GPI: variants seen among roughly 807,000 people sequenced by gnomAD.
The protein encoded by GPI is D-hexose-6-phosphate anomerase.
A neutral mutation model predicts 75.8 loss-of-function variants in GPI; 56 were observed. That is an observed-to-expected ratio of 0.74 (90% CI 0.60 to 0.92). The LOEUF (loss-of-function observed/expected upper bound fraction) is 0.92. GPI is among the 40% of genes least tolerant of loss of function. The pLI is 0.00. For synonymous variants in GPI, 288 were observed against 285.4 expected (o/e 1.01, Z -0.09); for missense variants, 638 against 741.0 (o/e 0.86, Z 1.61).
chr19:34,362,475 A>C (rs2074306489), upstream of GPI, among the ~76,000 whole-genome samples: 1 of 151,966 alleles, frequency 6.6e-6, no homozygotes, highest in Admixed American at 6.6e-5. Context: ...CAGAGGCCTC[A>C]CCTCCTGCCT....
intron 13 of GPI, 67 bp downstream of exon 13, chr19:34,396,497 C>T: frequency 5.0e-6 from 8 of 1,612,366 alleles, no homozygotes; most frequent in Non-Finnish European, 6.8e-6. Flanking sequence ...AGAGATATCT[C>T]ACTTAGGTCA....
chr19:34,379,062 T>C, intron 7 of GPI, 57 bp downstream of exon 7: 1 of 1,473,522 alleles, frequency 6.8e-7, no homozygotes, highest in Non-Finnish European at 9.5e-7. Flanking sequence ...AAGAGCAGGG[T>C]GGGCCCCTGA....
intron 4 of GPI, among the ~76,000 whole-genome samples, chr19:34,372,138 TCAG>T: frequency 6.6e-6 from 1 of 151,604 alleles, no homozygotes; most frequent in South Asian, 2.1e-4. Context: ...ACCATGTTGG[TCAG>T]GCTGGTCTCG....
At position 34,393,898 on chromosome 19, in the gene GPI, C is replaced by G. The variant is rs1054393560; in HGVS notation, c.910-16C>G. On this transcript the variant is annotated splice_polypyrimidine_tract_variant and intron_variant, in intron 11 of 17. Transcript: ENST00000356487. The surrounding 1 kb of genome is among the most constrained non-coding windows in gnomAD (Gnocchi z 4.4). ...GTGCAGCTGCTCAGCTCCCACTCAT[C>G]CTGCTCCTGTTTCAGGACCAGCACT... 7.4e-6 allele frequency: 12 copies of G among 1,613,170 alleles called. No homozygotes were observed. Among genetic ancestry groups the G allele is most frequent in the Admixed American group, 5.0e-5 (3 of 59,978 alleles).
At chr19:34,384,223 C>A (rs2074698351) in intron 9 of GPI, among the ~76,000 whole-genome samples, 1 of 152,148 alleles carries the variant, frequency 6.6e-6, no homozygotes, top group Admixed American at 6.5e-5. Context: ...TGGGAAGAGA[C>A]CAGACAAAGG....
rs2145367380 is a variant in GPI at position 34,379,499 on chromosome 19, T to C, written c.706-19T>C. The C allele has an allele frequency of 6.2e-7, 1 of 1,613,430 alleles. No individual in the cohort carries two copies. The highest frequency in any genetic ancestry group is 1.7e-5 in the Admixed American group (1 of 60,034). ...GTCTCCCTGGGCTGGCTGTGGTAAC[T>C]TGGCTCTGTCTCTTGTAGCCTTCTG... On this transcript the variant is annotated intron_variant, in intron 7 of 17. Transcript: ENST00000356487.
chr19:34,380,876 G>T, intron 8 of GPI: 1 of 202,154 alleles, frequency 4.9e-6, no homozygotes, highest in Non-Finnish European at 1.0e-5. Context: ...TAGCACTGTT[G>T]CCTGCCTGCA....
intron 13 of GPI, 40 bp from the exon 14 acceptor site, chr19:34,396,541 T>C: frequency 6.2e-7 from 1 of 1,612,210 alleles, no homozygotes; most frequent in Non-Finnish European, 8.5e-7. Context: ...CTAGCTCCCA[T>C]GGGCTGGGGT....
At chr19:34,370,916 A>G (rs1273803277) in intron 4 of GPI, among the ~76,000 whole-genome samples, 1 of 152,224 alleles carries the variant, frequency 6.6e-6, no homozygotes, top group Non-Finnish European at 1.5e-5. Context: ...AGACGCCTCC[A>G]GGGCAAGGAA....
chr19:34,365,159 C>G, upstream of GPI: 1 of 1,238,148 alleles, frequency 8.1e-7, no homozygotes, highest in Non-Finnish European at 1.0e-6. Context: ...GGGCCGGGCG[C>G]CTGCGCCATA....
rs186074313 is a variant in GPI at position 34,399,581 on chromosome 19, A to G, written c.1424A>G (p.Asn475Ser). ...HKVFEGNRPTNSIVFTKLTPF... is the reference protein window; with the variant it reads ...HKVFEGNRPTSSIVFTKLTPF... ...GTCTTTGAAGGAAATCGCCCAACCA[A>G]CTCTATTGTGTTCACCAAGCTCACA... is the stretch of plus-strand genomic sequence containing the variant. The change falls in exon 16 of 18, where the codon AAC (asparagine) becomes AGC (serine). Residue 475 changes from asparagine (N) to serine (S), a missense_variant. Asn to Ser is a conservative substitution (Grantham distance 46). Transcript: ENST00000356487. 2 of 1,613,868 alleles carry G rather than the reference A, an allele frequency of 1.2e-6. No individual in the cohort carries two copies. Among genetic ancestry groups the G allele is most frequent in the East Asian group, 2.2e-5 (1 of 44,844 alleles).
At chr19:34,379,651 C>A (rs2074611520) in intron 8 of GPI, 89 bp downstream of exon 8, 1 of 1,079,120 alleles carries the variant, frequency 9.3e-7, no homozygotes, top group Non-Finnish European at 1.4e-6. Context: ...GTTCGTAGGT[C>A]TGGTGGATCT....
At chr19:34,391,582 A>G (rs1599847005) in intron 9 of GPI, among the ~76,000 whole-genome samples, 2 of 482 alleles carry the variant, frequency 4.1e-3, no homozygotes, top group South Asian at 0.038. Flanking sequence ...GGGTCTGTCC[A>G]TGTCTGAGCA....
rs185742927 is a variant in GPI at position 34,383,116 on chromosome 19, A to G, written c.804+1597A>G. Among the ~76,000 whole-genome samples the G allele has an allele frequency of 4.6e-5, 7 of 152,238 alleles. No homozygotes were observed. The East Asian group carries it at 1.4e-3, about 29-fold the overall frequency. ...AGGTAATTCTTGGTCCGCCAGGGCC[A>G]GTTTTGCGGCAGCCATGGGTGTCGG... On this transcript the variant is annotated intron_variant, in intron 9 of 17. Transcript: ENST00000356487.
intron 9 of GPI, among the ~76,000 whole-genome samples, chr19:34,385,399 GTTC>G (rs1381620016): frequency 6.6e-6 from 1 of 151,586 alleles, no homozygotes; most frequent in African/African-American, 2.4e-5. Flanking sequence ...GTGGGTAGAA[GTTC>G]TTCTCCTGGG....
At chr19:34,367,964 A>G (rs1034144604) in intron 3 of GPI, among the ~76,000 whole-genome samples, 2 of 152,202 alleles carry the variant, frequency 1.3e-5, no homozygotes, top group Admixed American at 6.5e-5. Context: ...TCTGTCGCCC[A>G]GGCTGGAGTG....
intron 1 of GPI, 43 bp from the exon 2 acceptor site, chr19:34,366,302 G>A: frequency 7.9e-7 from 1 of 1,267,162 alleles, no homozygotes; most frequent in South Asian, 1.2e-5. Context: ...CTCCCCGCTA[G>A]GGAGACCAGG....
chr19:34,377,323 AAAAAAAAAAAAAAATATAT>A lies in GPI; in HGVS notation c.403-178_403-160del, dbSNP rs2074555710. 1.1e-4 allele frequency among the ~76,000 whole-genome samples: 11 copies of A among 98,116 alleles called. 1 individual carries two copies. The East Asian group carries it at 2.3e-3, about 20-fold the overall frequency. 64.4% of individuals were successfully genotyped at this position (98,116 alleles called of 152,430 possible). On this transcript the variant is annotated intron_variant, in intron 4 of 17. Coordinates refer to ENST00000356487, the MANE Select transcript of GPI (RefSeq NM_000175.5). ...TCTCAAAAAAAAAAAAAAAAAAAAA[AAAAAAAAAAAAAAATATAT>A]ATATATATATATATATGGTAAATTA...
chr19:34,399,163 G>A (rs1405258381), intron 14 of GPI, 44 bp from the exon 15 acceptor site: 1 of 1,596,164 alleles, frequency 6.3e-7, no homozygotes, highest in African/African-American at 1.3e-5. Context: ...TCTGCCTGAA[G>A]CCCAGACAGT....
Sources: allele counts gnomAD v4.1 joint callset (sites outside exome capture counted in the v4.1 genomes callset), GRCh38; gene constraint gnomAD v4.1.1; non-coding constraint Gnocchi (gnomAD v3.1); transcripts MANE v1.5; gene names NCBI Gene and HGNC (gene_info 2026-07-23, HGNC 2026-07-21).